WAC: variants seen among roughly 807,000 people sequenced by gnomAD.
WAC encodes the protein WW domain-containing adapter protein with coiled-coil.
Under a neutral mutation model 79.6 loss-of-function variants are expected in WAC, and 11 were observed. That is an observed-to-expected ratio of 0.14 (90% CI 0.09 to 0.23). The LOEUF (loss-of-function observed/expected upper bound fraction) is 0.23. Ranked by LOEUF, WAC falls within the 10% of genes least tolerant of loss-of-function variation. The probability of loss-of-function intolerance (pLI) is 1.00; values close to 1 mark genes in which losing one functional copy is unlikely to be tolerated. For missense variants in WAC, 728 were observed against 773.5 expected, an observed-to-expected ratio of 0.94 and a Z score of 0.70; for synonymous variants, 304 against 276.9, an observed-to-expected ratio of 1.10 and a Z score of -0.97.
intron 4 of WAC, among the ~76,000 whole-genome samples, chr10:28,586,163 A>G (rs1839812839): frequency 6.6e-6 from 1 of 152,248 alleles, no homozygotes; most frequent in South Asian, 2.1e-4. Context: ...AGAGTTATCT[A>G]CACAGATATT....
intron 3 of WAC, among the ~76,000 whole-genome samples, chr10:28,557,036 T>C (rs1838035070): frequency 6.6e-6 from 1 of 151,930 alleles, no homozygotes; most frequent in African/African-American, 2.4e-5. Flanking sequence ...CTATTTGTGG[T>C]CTTTTTATGT....
At chr10:28,561,854 C>T (rs753252151) in intron 3 of WAC, among the ~76,000 whole-genome samples, 6 of 152,132 alleles carry the variant, frequency 3.9e-5, no homozygotes, top group Non-Finnish European at 5.9e-5. Context: ...TTATGTACTC[C>T]TTATGAGAAT....
chr10:28,583,468 C>T lies in WAC; in HGVS notation c.344C>T (p.Ser115Phe). The part of the protein sequence containing the change: ...SALHSSNSHS[S>F]NPSNNPSKTS... Reference sequence around the variant, plus strand: ...CTTCATAGTTCAAATTCACATTCTTCTAATCCAAGCAATAACCCAAGCAAA... The same window carrying T: ...CTTCATAGTTCAAATTCACATTCTTTTAATCCAAGCAATAACCCAAGCAAA... The change falls in exon 4 of 14, where the codon TCT (serine) becomes TTT (phenylalanine). Residue 115 changes from serine to phenylalanine, a missense_variant. Around this residue, in one of 3 missense-constraint regions of WAC, gnomAD observed 648 missense variants for 661.5 expected, o/e 0.98. Coordinates refer to ENST00000354911, the MANE Select transcript of WAC (RefSeq NM_016628.5). The T allele has an allele frequency of 6.3e-7, 1 of 1,591,380 alleles. No individual in the cohort carries two copies. Among genetic ancestry groups the T allele is most frequent in the Non-Finnish European group, 8.5e-7 (1 of 1,171,170 alleles).
intron 3 of WAC, 102 bp from the exon 4 acceptor site, chr10:28,583,297 C>G: frequency 2.5e-6 from 2 of 801,718 alleles, no homozygotes; most frequent in Non-Finnish European, 3.8e-6. Flanking sequence ...GTAAGATGTT[C>G]GTTTAGAGAT....
intron 3 of WAC, among the ~76,000 whole-genome samples, chr10:28,562,214 A>G (rs941967495): frequency 5.9e-5 from 9 of 152,006 alleles, no homozygotes; most frequent in Non-Finnish European, 4.4e-5. Flanking sequence ...GCGCAACCAC[A>G]TCTGGCTAAT....
intron 13 of WAC, 79 bp from the exon 14 acceptor site, chr10:28,619,458 A>C (rs915600240): frequency 3.7e-6 from 4 of 1,090,832 alleles, no homozygotes; most frequent in East Asian, 5.9e-5. Flanking sequence ...TAATTTAAAA[A>C]ATTTTAATTA....
At position 28,597,410 on chromosome 10, in the gene WAC, C is replaced by A. The variant is rs77311393; in HGVS notation, c.919+1369C>A. Among the ~76,000 whole-genome samples, 435 of 152,240 alleles carry A rather than the reference C, an allele frequency of 2.9e-3. 3 individuals carry two copies. The highest frequency in any genetic ancestry group is 0.01 in the African/African-American group (422 of 41,540). On this transcript the variant is annotated intron_variant, in intron 7 of 13. Coordinates refer to ENST00000354911, the MANE Select transcript of WAC (RefSeq NM_016628.5). ...TCCTTGTCAGTTAAAATTCTGATGACCCTTTGAAAGTATTTATCCCATGTC... is the reference window on the plus strand; with the variant it reads ...TCCTTGTCAGTTAAAATTCTGATGAACCTTTGAAAGTATTTATCCCATGTC...
intron 3 of WAC, among the ~76,000 whole-genome samples, chr10:28,580,174 G>A (rs1046655428): frequency 2.0e-5 from 3 of 152,132 alleles, no homozygotes; most frequent in Admixed American, 1.3e-4. Context: ...AGGCTGGTGT[G>A]CCTTGATGCT....
At chr10:28,589,918 G>A in intron 5 of WAC, 67 bp downstream of exon 5, 1 of 1,168,182 alleles carries the variant, frequency 8.6e-7, no homozygotes, top group Non-Finnish European at 1.3e-6. Context: ...ACATCTTACA[G>A]CATTAAACAT....
At chr10:28,546,546 C>A (rs1394290065) in intron 3 of WAC, among the ~76,000 whole-genome samples, 1 of 152,120 alleles carries the variant, frequency 6.6e-6, no homozygotes, top group Non-Finnish European at 1.5e-5. Context: ...ATACCTGAAT[C>A]GCAGTTATGA....
intron 3 of WAC, among the ~76,000 whole-genome samples, chr10:28,544,472 G>A (rs766013779): frequency 6.6e-5 from 10 of 152,122 alleles, no homozygotes; most frequent in Non-Finnish European, 1.0e-4. Flanking sequence ...GGATTGTTGC[G>A]GGGTTAAATG....
intron 3 of WAC, among the ~76,000 whole-genome samples, chr10:28,559,497 T>C (rs371901433): frequency 2.0e-5 from 3 of 152,090 alleles, no homozygotes; most frequent in Admixed American, 6.5e-5. Context: ...AAAATTAATA[T>C]AGAGATTTCC....
Position 28,590,723 on chromosome 10 carries a change from A to T in WAC, c.501A>T (p.Glu167Asp), listed in dbSNP as rs1416021819. ...TTATCTTTTTTTTTATTTTTAGAGAACAGAGACAAAAAGAAGCAAACAAGA... is the reference window on the plus strand; with the variant it reads ...TTATCTTTTTTTTTATTTTTAGAGATCAGAGACAAAAAGAAGCAAACAAGA... ...WEKPKEWLER[E>D]QRQKEANKMA... is the part of the protein sequence containing the mutation. Residue 167 changes from glutamate (E) to aspartate (D), a missense_variant, in exon 6 of 14, where the codon GAA becomes GAT. Around this residue, in one of 3 missense-constraint regions of WAC, gnomAD observed 648 missense variants for 661.5 expected, o/e 0.98. Transcript: ENST00000354911. 1 of 1,598,418 alleles carries T rather than the reference A, an allele frequency of 6.3e-7. No homozygotes were observed. The highest frequency in any genetic ancestry group is 8.5e-7 in the Non-Finnish European group (1 of 1,173,086).
chr10:28,602,335 A>G (rs777723125), intron 7 of WAC, among the ~76,000 whole-genome samples: 1 of 152,274 alleles, frequency 6.6e-6, no homozygotes, highest in African/African-American at 2.4e-5. Flanking sequence ...ATATTTATAT[A>G]CATTTATAAA....
chr10:28,536,748 A>G (rs577447034), intron 3 of WAC, among the ~76,000 whole-genome samples: 1 of 152,346 alleles, frequency 6.6e-6, no homozygotes, highest in Admixed American at 6.5e-5. Context: ...CTATTTTCAG[A>G]CTTAATTTGC....
intron 7 of WAC, among the ~76,000 whole-genome samples, chr10:28,605,575 A>G (rs911368556): frequency 1.3e-5 from 2 of 152,216 alleles, no homozygotes; most frequent in Non-Finnish European, 2.9e-5. Flanking sequence ...TAATTCCCCA[A>G]AACTGCAAAA....
At position 28,533,601 on chromosome 10, in the gene WAC, C is replaced by CT; in HGVS notation, c.22_23insT (p.Gln8LeufsTer6). The CT allele has an allele frequency of 6.3e-7, 1 of 1,594,306 alleles. No individual in the cohort carries two copies. The highest frequency in any genetic ancestry group is 8.5e-7 in the Non-Finnish European group (1 of 1,169,726). ...ATTGATGGTAATGTATGCGAGGAAA[C>CT]AGCAGAGACTCAGTGATGGGTAAAT... On this transcript the variant is annotated frameshift_variant, in exon 1 of 14. Transcript: ENST00000354911. LOFTEE classifies it high-confidence loss of function.
chr10:28,545,882 C>A (rs1244474076), intron 3 of WAC, among the ~76,000 whole-genome samples: 3 of 152,216 alleles, frequency 2.0e-5, no homozygotes, highest in Admixed American at 2.0e-4. Flanking sequence ...TCCACCATAA[C>A]ACCTCGTCTC....
intron 3 of WAC, among the ~76,000 whole-genome samples, chr10:28,575,885 G>A (rs1222638917): frequency 1.3e-5 from 2 of 152,176 alleles, no homozygotes; most frequent in Non-Finnish European, 2.9e-5. Flanking sequence ...CTGTGTATGT[G>A]AAGGTGATCT....
Sources: gnomAD v4.1 joint callset for allele counts (sites outside exome capture counted in the v4.1 genomes callset) on GRCh38, gnomAD v4.1.1 for gene constraint, gnomAD v4.1.1 regional missense constraint, MANE v1.5 for transcripts, NCBI Gene and HGNC (gene_info 2026-07-23, HGNC 2026-07-21) for gene names.